Variants in FADS2 observed in about 807,000 individuals in gnomAD.
FADS2 encodes the protein acyl-CoA 6-desaturase.
Under a neutral mutation model 61.2 loss-of-function variants are expected in FADS2, and 18 were observed. The observed-to-expected ratio is 0.29, with a 90% confidence interval of 0.20 to 0.44. The LOEUF is 0.44. Among genes scored for constraint, FADS2 ranks in the 20% least tolerant of loss-of-function variants. The pLI is 1.00. For synonymous variants in FADS2, 203 were observed against 223.9 expected (o/e 0.91, Z 0.83); for missense variants, 322 against 572.7 (o/e 0.56, Z 4.47).
At chr11:61,842,135 T>C (rs536925339) in intron 4 of FADS2, among the ~76,000 whole-genome samples, 1 of 152,262 alleles carries the variant, frequency 6.6e-6, no homozygotes, top group East Asian at 1.9e-4. Flanking sequence ...ACGAGCTACA[T>C]GTGGGGTGTA....
intron 7 of FADS2, among the ~76,000 whole-genome samples, chr11:61,861,501 A>T (rs192454254): frequency 6.6e-6 from 1 of 152,126 alleles, no homozygotes; most frequent in East Asian, 1.9e-4. Context: ...ATAATCCGTA[A>T]CCCCATCCTC....
At chr11:61,823,727 G>T (rs1257568967), upstream of FADS2, among the ~76,000 whole-genome samples, 2 of 152,070 alleles carry the variant, frequency 1.3e-5, no homozygotes, top group African/African-American at 2.4e-5. Context: ...GTGTTGCCCA[G>T]GCTGGTCTCA....
intron 6 of FADS2, 74 bp downstream of exon 6, chr11:61,857,145 C>A: frequency 7.9e-7 from 1 of 1,262,268 alleles, no homozygotes; most frequent in African/African-American, 1.5e-5. Flanking sequence ...TCCCTCCTAC[C>A]TGACATCTTT....
rs774647604 is a variant in FADS2 at position 61,863,232 on chromosome 11, C to T, written c.981-50C>T. On this transcript the variant is annotated intron_variant, in intron 8 of 11. Coordinates refer to ENST00000278840, the MANE Select transcript of FADS2 (RefSeq NM_004265.4). ...GGTTGGGAGAGTGGATCTGTTCCCA[C>T]TGTGGCTGGGCCCCCGGAGGCCCCT... The T allele has an allele frequency of 4.6e-6, 7 of 1,519,640 alleles. No individual in the cohort carries two copies. The Admixed American group carries it at 1.2e-4, about 25-fold the overall frequency. 94.1% of individuals were successfully genotyped at this position (1,519,640 alleles called of 1,614,324 possible).
chr11:61,836,879 C>G (rs2067179090), intron 1 of FADS2, among the ~76,000 whole-genome samples: 1 of 152,212 alleles, frequency 6.6e-6, no homozygotes, highest in Non-Finnish European at 1.5e-5. Flanking sequence ...CTGGGACATT[C>G]TATTGCATCC....
At chr11:61,862,593 G>A in intron 7 of FADS2, 2 of 257,044 alleles carry the variant, frequency 7.8e-6, no homozygotes. Flanking sequence ...GTGCTGAGGA[G>A]GAGGGACAGG....
chr11:61,828,218 A>G, upstream of FADS2: 1 of 1,431,892 alleles, frequency 7.0e-7, no homozygotes, highest in South Asian at 1.5e-5. The surrounding 1 kb of genome is among the most constrained non-coding windows in gnomAD (Gnocchi z 6.4). Context: ...GACACTCCCG[A>G]GCGCAGGCGA....
intron 4 of FADS2, among the ~76,000 whole-genome samples, chr11:61,844,792 GCACA>G (rs1231854718): frequency 6.8e-6 from 1 of 147,916 alleles, no homozygotes; most frequent in Non-Finnish European, 1.5e-5. Context: ...GGGCGTGGTG[GCACA>G]CGCCTGCAGT....
chr11:61,831,165 A>T (rs1443818924), intron 1 of FADS2, among the ~76,000 whole-genome samples: 1 of 152,016 alleles, frequency 6.6e-6, no homozygotes, highest in Non-Finnish European at 1.5e-5. Flanking sequence ...TGGGTGGGGC[A>T]TGTGGAAAGG....
chr11:61,858,587 C>T (rs2067385326), intron 7 of FADS2, among the ~76,000 whole-genome samples: 2 of 150,778 alleles, frequency 1.3e-5, no homozygotes, highest in Non-Finnish European at 3.0e-5. Context: ...ATTGTAATTA[C>T]GTCATCTTTT....
chr11:61,826,791 C>A (rs571431167), upstream of FADS2, among the ~76,000 whole-genome samples: 1 of 152,194 alleles, frequency 6.6e-6, no homozygotes, highest in African/African-American at 2.4e-5. Flanking sequence ...CCCATCTGCC[C>A]CCCCAAGTAC....
At position 61,862,954 on chromosome 11, in the gene FADS2, C is replaced by T. The variant is rs1252648749; in HGVS notation, c.883-18C>T. On this transcript the variant is annotated intron_variant, in intron 7 of 11. Transcript: ENST00000278840. ...AGAGGAGAGGGCAGGTTGCACCTAA[C>T]TTCATCTTTCCCCGCAGGACCTGGC... is the stretch of plus-strand genomic sequence containing the variant. 1 of 1,610,796 alleles carries T rather than the reference C, an allele frequency of 6.2e-7. No homozygotes were observed. Among genetic ancestry groups the T allele is most frequent in the Non-Finnish European group, 8.5e-7 (1 of 1,176,896 alleles).
intron 1 of FADS2, among the ~76,000 whole-genome samples, chr11:61,835,101 G>A (rs542553150): frequency 1.3e-5 from 2 of 150,358 alleles, no homozygotes; most frequent in African/African-American, 2.4e-5. Flanking sequence ...GGAATAGCAC[G>A]TCTCTTTTCC....
chr11:61,828,001 AAACTCGGGCGGCGGGG>A (rs1399678976), upstream of FADS2: 4 of 1,098,340 alleles, frequency 3.6e-6, no homozygotes, highest in Non-Finnish European at 4.5e-6. This position sits in a 1 kb window ranked among gnomAD's most constrained non-coding sequence, Gnocchi z 6.4. Flanking sequence ...ATCGCTGTGG[AAACTCGGGCGGCGGGG>A]AACGCGGGAG....
intron 5 of FADS2, among the ~76,000 whole-genome samples, chr11:61,849,434 T>C (rs569391339): frequency 6.6e-6 from 1 of 152,262 alleles, no homozygotes; most frequent in South Asian, 2.1e-4. Context: ...CATATTTTTT[T>C]AGTTAGCCAG....
chr11:61,853,091 G>T (rs1325041133), intron 5 of FADS2, among the ~76,000 whole-genome samples: 1 of 152,120 alleles, frequency 6.6e-6, no homozygotes, highest in Non-Finnish European at 1.5e-5. Flanking sequence ...GGAGGCGGAG[G>T]TTGCAGTGAG....
chr11:61,831,475 T>A (rs2067128261), intron 1 of FADS2, among the ~76,000 whole-genome samples: 2 of 152,094 alleles, frequency 1.3e-5, no homozygotes, highest in African/African-American at 4.8e-5. Flanking sequence ...AGGGAAGCCA[T>A]TCTCGGGACA....
chr11:61,865,723 T>G lies in FADS2; in HGVS notation c.*34T>G, dbSNP rs1591183615. ...CCCCCGGGACACCGTGGGGAAGGGG[T>G]GCAGGTGGGGTGATGGCCAGAGGAA... On this transcript the variant is annotated 3_prime_UTR_variant, in exon 12 of 12. Transcript: ENST00000278840. This position sits in a 1 kb window ranked among gnomAD's most constrained non-coding sequence, Gnocchi z 4.1. 1.3e-6 allele frequency: 2 copies of G among 1,588,660 alleles called. No individual in the cohort carries two copies. Among genetic ancestry groups the G allele is most frequent in the Non-Finnish European group, 1.7e-6 (2 of 1,161,950 alleles).
At chr11:61,864,186 GTT>G (rs551908563) in intron 10 of FADS2, 4,060 of 144,810 alleles carry the variant, frequency 0.028, 174 homozygotes, top group African/African-American at 0.098. Context: ...TCTTGTCACT[GTT>G]TTTTTTTTTT....
Sources: allele counts gnomAD v4.1 joint callset (sites outside exome capture counted in the v4.1 genomes callset), GRCh38; gene constraint gnomAD v4.1.1; non-coding constraint Gnocchi (gnomAD v3.1); transcripts MANE v1.5; gene names NCBI Gene and HGNC (gene_info 2026-07-23, HGNC 2026-07-21).